Variants in ITGA4 observed in about 807,000 individuals in gnomAD.
ITGA4 encodes the protein integrin alpha-4.
ITGA4 carries 63 observed loss-of-function variants against 133.6 expected under a neutral mutation model. That is an observed-to-expected ratio of 0.47 (90% CI 0.38 to 0.58). ITGA4 has a LOEUF of 0.58. ITGA4 is among the 20% of genes least tolerant of loss of function. The pLI, the probability that ITGA4 is intolerant of heterozygous loss-of-function variation, is 0.00. For synonymous variants in ITGA4, 483 were observed against 438.0 expected (o/e 1.10, Z -1.28); for missense variants, 1,076 against 1,252.7 (o/e 0.86, Z 2.13).
rs1454456815 is a variant in ITGA4 at position 181,509,738 on chromosome 2, T to C, written c.1776T>C (p.Ser592=). 6.2e-7 allele frequency: 1 copy of C among 1,611,398 alleles called. No individual in the cohort carries two copies. Among genetic ancestry groups the C allele is most frequent in the Non-Finnish European group, 8.5e-7 (1 of 1,178,322 alleles). ...HLGPHVISKR[S]TEEFPPLQPI... ...GTCCTCATGTCATCAGTAAACGAAG[T>C]ACAGAGGAATTCCCACCACTTCAGC... Residue 592 remains serine (S), a synonymous_variant, in exon 16 of 28, where the codon AGT becomes AGC. Coordinates refer to ENST00000397033, the MANE Select transcript of ITGA4 (RefSeq NM_000885.6).
rs1214666498 is a variant in ITGA4, at chr2:181,531,695, G to A, written c.2703G>A (p.Leu901=). Residue 901 remains leucine, a synonymous_variant, in exon 25 of 28, where the codon TTG becomes TTA. Transcript: ENST00000397033. Reference sequence around the variant, plus strand: ...CTGATCCACATTGTTTAAATTTCTTGTGTAATTTTGGGAAAATGGAAAGTG... The same window carrying A: ...CTGATCCACATTGTTTAAATTTCTTATGTAATTTTGGGAAAATGGAAAGTG... ...IKADPHCLNF[L]CNFGKMESGK... The A allele has an allele frequency of 6.2e-7, 1 of 1,602,660 alleles. No individual in the cohort carries two copies. Among genetic ancestry groups the A allele is most frequent in the Non-Finnish European group, 8.5e-7 (1 of 1,171,702 alleles).
chr2:181,466,761 AAATT>A (rs1303685254), intron 2 of ITGA4, among the ~76,000 whole-genome samples: 1 of 152,142 alleles, frequency 6.6e-6, no homozygotes, highest in East Asian at 1.9e-4. Flanking sequence ...AGGAAAAACT[AAATT>A]AAGGGGCCAT....
At chr2:181,527,629 G>A (rs1051355662) in intron 22 of ITGA4, among the ~76,000 whole-genome samples, 1 of 152,204 alleles carries the variant, frequency 6.6e-6, no homozygotes, top group Non-Finnish European at 1.5e-5. Flanking sequence ...GAGCATGCAG[G>A]AACAGAGATA....
At chr2:181,468,811 G>A (rs1265081972) in intron 2 of ITGA4, among the ~76,000 whole-genome samples, 1 of 152,132 alleles carries the variant, frequency 6.6e-6, no homozygotes, top group Non-Finnish European at 1.5e-5. Flanking sequence ...AGGCTTAAAA[G>A]GAGATGGTTT....
At position 181,525,297 on chromosome 2, in the gene ITGA4, T is replaced by C. The variant is rs1686809801; in HGVS notation, c.2339+6T>C. On this transcript the variant is annotated splice_donor_region_variant and intron_variant, in intron 21 of 27. Coordinates refer to ENST00000397033, the MANE Select transcript of ITGA4 (RefSeq NM_000885.6). The stretch of plus-strand genomic sequence containing the variant: ...GTTAAGCTGACTGTTCATGGGTAAG[T>C]AGACATAAAGGCTTCCTTTCAAATT... 2.0e-6 allele frequency: 3 copies of C among 1,476,716 alleles called. No individual in the cohort carries two copies. Among genetic ancestry groups the C allele is most frequent in the African/African-American group, 2.8e-5 (2 of 72,138 alleles). The allele number at this position is 1,476,716 out of a possible 1,614,324, so 91.5% of individuals were successfully genotyped here. A position where few individuals can be genotyped will look rare whatever the true frequency, so the allele number is the denominator to read the frequency against.
At chr2:181,493,724 G>C (rs1358263712) in intron 11 of ITGA4, among the ~76,000 whole-genome samples, 1 of 152,220 alleles carries the variant, frequency 6.6e-6, no homozygotes, top group East Asian at 1.9e-4. Flanking sequence ...TCTAAAATAT[G>C]CCCATTTGGA....
intron 10 of ITGA4, 38 bp from the exon 11 acceptor site, chr2:181,493,287 C>G (rs1381245497): frequency 2.1e-6 from 3 of 1,401,038 alleles, no homozygotes; most frequent in Non-Finnish European, 3.0e-6. Flanking sequence ...TTCTTTGTAT[C>G]AAGAATTTAT....
rs1686922861 is a variant in ITGA4 at position 181,530,509 on chromosome 2, T to C, written c.2539-15T>C. 1 of 1,602,126 alleles carries C rather than the reference T, an allele frequency of 6.2e-7. No individual in the cohort carries two copies. Among genetic ancestry groups the C allele is most frequent in the South Asian group, 1.1e-5 (1 of 89,686 alleles). ...TGTTGAAAGATAAGATTTCTCTTGC[T>C]TTCTGTCTTCATAGACTACTACTGG... On this transcript the variant is annotated splice_polypyrimidine_tract_variant and intron_variant, in intron 23 of 27. Transcript: ENST00000397033.
chr2:181,509,644 G>A lies in ITGA4; in HGVS notation c.1696-14G>A, dbSNP rs1686464973. On this transcript the variant is annotated splice_polypyrimidine_tract_variant and intron_variant, in intron 15 of 27. Coordinates refer to ENST00000397033, the MANE Select transcript of ITGA4 (RefSeq NM_000885.6). ...CTTGTTTTTGTTAATTCATATGGTG[G>A]TTATTTTCCTTAGAAAGATGTGCGG... 1 of 1,556,884 alleles carries A rather than the reference G, an allele frequency of 6.4e-7. No individual in the cohort carries two copies. Among genetic ancestry groups the A allele is most frequent in the Non-Finnish European group, 8.6e-7 (1 of 1,157,386 alleles).
chr2:181,535,492 T>C lies in ITGA4; in HGVS notation c.3064T>C (p.Trp1022Arg). The change falls in exon 28 of 28, where the codon TGG becomes CGG. Residue 1022 changes from tryptophan (W) to arginine (R), a missense_variant. Around this residue, in one of 4 missense-constraint regions of ITGA4, gnomAD observed 193 missense variants for 172.3 expected, o/e 1.12. Transcript: ENST00000397033. ...ILQEENRRDS[W>R]SYINSKSNDD Reference sequence around the variant, plus strand: ...ACAAGAAGAAAACAGAAGAGACAGTTGGAGTTATATCAACAGTAAAAGCAA... The same window carrying C: ...ACAAGAAGAAAACAGAAGAGACAGTCGGAGTTATATCAACAGTAAAAGCAA... 2 of 1,609,552 alleles carry C rather than the reference T, an allele frequency of 1.2e-6. No homozygotes were observed. The highest frequency in any genetic ancestry group is 1.7e-6 in the Non-Finnish European group (2 of 1,177,684).
chr2:181,502,205 T>C (rs1574400008), intron 15 of ITGA4, among the ~76,000 whole-genome samples: 1 of 122,136 alleles, frequency 8.2e-6, no homozygotes, highest in South Asian at 2.3e-4. Flanking sequence ...TTGGTGGTGG[T>C]GACAACAGCA....
intron 10 of ITGA4, among the ~76,000 whole-genome samples, chr2:181,490,714 A>G (rs1311709562): frequency 6.6e-6 from 1 of 152,082 alleles, no homozygotes; most frequent in African/African-American, 2.4e-5. Context: ...AGCAGGTTAT[A>G]CCTTGTGCCT....
At position 181,523,468 on chromosome 2, in the gene ITGA4, A is replaced by T; in HGVS notation, c.2105A>T (p.Asp702Val). 1.2e-6 allele frequency: 2 copies of T among 1,609,654 alleles called. No individual in the cohort carries two copies. Among genetic ancestry groups the T allele is most frequent in the Non-Finnish European group, 1.7e-6 (2 of 1,176,134 alleles). Residue 702 changes from aspartate to valine, a missense_variant, in exon 19 of 28, where the codon GAT becomes GTT. By Grantham distance (152) the Asp-to-Val change is radical. Coordinates refer to ENST00000397033, the MANE Select transcript of ITGA4 (RefSeq NM_000885.6). The surrounding 1 kb of genome is among the most constrained non-coding windows in gnomAD (Gnocchi z 4.2). ...AAGCAAATAAACTGTGAAGTCACAG[A>T]TAACTCTGGCGTGGTACAACTTGAC... Reference protein sequence around the residue: ...EEKQINCEVTDNSGVVQLDCS... With the variant: ...EEKQINCEVTVNSGVVQLDCS...
chr2:181,524,976 C>T (rs1686803538), intron 20 of ITGA4, among the ~76,000 whole-genome samples: 2 of 148,780 alleles, frequency 1.3e-5, no homozygotes, highest in African/African-American at 4.9e-5. Context: ...AAAAAAATTC[C>T]TCTATCTAGC....
intron 10 of ITGA4, among the ~76,000 whole-genome samples, chr2:181,489,749 C>A (rs192977853): frequency 9.2e-4 from 140 of 152,270 alleles, no homozygotes; most frequent in African/African-American, 3.1e-3. Context: ...TATCCATCAT[C>A]CAAATAACAT....
chr2:181,529,680 T>A (rs1559057786), intron 23 of ITGA4, 32 bp downstream of exon 23: 5 of 1,091,188 alleles, frequency 4.6e-6, no homozygotes. Flanking sequence ...CTAACCTTTA[T>A]TGTGTGTCTT....
rs997770031 is a variant in ITGA4, at chr2:181,525,785, C to T, written c.2339+494C>T. ...CCACTTTTTATACCTATGGGATCACCAGATTCCTCAACCACAGTATCAGAA... is the reference window on the plus strand; with the variant it reads ...CCACTTTTTATACCTATGGGATCACTAGATTCCTCAACCACAGTATCAGAA... On this transcript the variant is annotated intron_variant, in intron 21 of 27. Coordinates refer to ENST00000397033, the MANE Select transcript of ITGA4 (RefSeq NM_000885.6). Among the ~76,000 whole-genome samples, 7 of 152,296 alleles carry T rather than the reference C, an allele frequency of 4.6e-5. No homozygotes were observed. The East Asian group carries it at 1.3e-3, about 29-fold the overall frequency.
rs1559064059 is a variant in ITGA4 at position 181,537,568 on chromosome 2, G to A, written c.*2041G>A. On this transcript the variant is annotated 3_prime_UTR_variant, in exon 28 of 28. Transcript: ENST00000397033. ...GATTAGGGAGCAGTGAATCAAGGCA[G>A]ACTTATGAAATCTGTATTATATTTG... 1 of 435,512 alleles carries A rather than the reference G, an allele frequency of 2.3e-6. No homozygotes were observed. Among genetic ancestry groups the A allele is most frequent in the Non-Finnish European group, 4.6e-6 (1 of 217,890 alleles). 27.0% of individuals were successfully genotyped at this position (435,512 alleles called of 1,614,324 possible). A position where few individuals can be genotyped will look rare whatever the true frequency, so the allele number is the denominator to read the frequency against.
At chr2:181,476,522 A>T (rs1685681154) in intron 4 of ITGA4, among the ~76,000 whole-genome samples, 1 of 152,172 alleles carries the variant, frequency 6.6e-6, no homozygotes, top group South Asian at 2.1e-4. Context: ...AAGTTTACTT[A>T]TATCATTTTT....
Sources: gnomAD v4.1 joint callset for allele counts (sites outside exome capture counted in the v4.1 genomes callset) on GRCh38, gnomAD v4.1.1 for gene constraint, gnomAD v4.1.1 regional missense constraint, Gnocchi (gnomAD v3.1) non-coding constraint, MANE v1.5 for transcripts, NCBI Gene and HGNC (gene_info 2026-07-23, HGNC 2026-07-21) for gene names.